The following STXBP5L variants were observed in gnomAD, a reference collection of about 807,000 sequenced individuals.
The protein encoded by STXBP5L is syntaxin binding protein 5L.
A neutral mutation model predicts 144.5 loss-of-function variants in STXBP5L; 65 were observed. The ratio of observed to expected loss-of-function variants is 0.45; its 90% CI spans 0.37 to 0.55. The LOEUF (loss-of-function observed/expected upper bound fraction) is 0.55, where lower values mean the gene tolerates loss of function less well. STXBP5L is among the 20% of genes least tolerant of loss of function. The probability of loss-of-function intolerance (pLI) is 0.00; values close to 1 mark genes in which losing one functional copy is unlikely to be tolerated. For synonymous variants in STXBP5L, 505 were observed against 469.6 expected, an observed-to-expected ratio of 1.08 and a Z score of -0.97; for missense variants, 1,298 against 1,405.5, an observed-to-expected ratio of 0.92 and a Z score of 1.22.
intron 5 of STXBP5L, among the ~76,000 whole-genome samples, chr3:121,091,024 C>T (rs1230744244): frequency 6.1e-5 from 9 of 148,038 alleles, no homozygotes; most frequent in African/African-American, 2.3e-4. Flanking sequence ...TGAGAATATG[C>T]GGTGTGTGGT....
intron 2 of STXBP5L, among the ~76,000 whole-genome samples, chr3:120,929,925 T>C (rs1408493857): frequency 1.3e-5 from 2 of 151,918 alleles, no homozygotes; most frequent in Non-Finnish European, 2.9e-5. Context: ...CCTTTCTTCC[T>C]ATTTATTGGT....
chr3:120,966,444 G>T (rs182299228), intron 3 of STXBP5L, among the ~76,000 whole-genome samples: 1 of 152,256 alleles, frequency 6.6e-6, no homozygotes, highest in Non-Finnish European at 1.5e-5. Flanking sequence ...TTTAATGCTG[G>T]TGACCTAGAG....
intron 20 of STXBP5L, among the ~76,000 whole-genome samples, chr3:121,339,257 G>A (rs775087735): frequency 5.9e-5 from 9 of 152,032 alleles, no homozygotes; most frequent in Non-Finnish European, 8.8e-5. Context: ...ATGCAGGGAT[G>A]GTTCAACATA....
intron 3 of STXBP5L, among the ~76,000 whole-genome samples, chr3:121,015,352 G>T (rs1354070909): frequency 2.0e-5 from 3 of 152,114 alleles, no homozygotes; most frequent in African/African-American, 4.8e-5. Context: ...ATGTTGATCA[G>T]TCTTAAAATT....
intron 18 of STXBP5L, 25 bp downstream of exon 18, chr3:121,259,193 T>G: frequency 6.6e-7 from 1 of 1,507,010 alleles, no homozygotes; most frequent in African/African-American, 1.4e-5. Flanking sequence ...TTTTTTATGA[T>G]ATGTATTATT....
intron 5 of STXBP5L, among the ~76,000 whole-genome samples, chr3:121,080,900 G>A (rs192002301): frequency 6.6e-6 from 1 of 152,084 alleles, no homozygotes; most frequent in African/African-American, 2.4e-5. Flanking sequence ...GTATTTGGAT[G>A]TCTAGATCCC....
rs565690436 is a variant in STXBP5L at position 121,008,522 on chromosome 3, C to T, written c.288-33178C>T. ...TGGTTCTCAAACCTATATATTACAACTAATGGGGATACAACACCAAATAAT... is the reference window on the plus strand; with the variant it reads ...TGGTTCTCAAACCTATATATTACAATTAATGGGGATACAACACCAAATAAT... On this transcript the variant is annotated intron_variant, in intron 3 of 26. Coordinates refer to ENST00000471454, the MANE Select transcript of STXBP5L (RefSeq NM_001308330.2). 1.1e-4 allele frequency among the ~76,000 whole-genome samples: 16 copies of T among 152,082 alleles called. No homozygotes were observed. The South Asian group carries it at 2.5e-3, about 24-fold the overall frequency.
At chr3:121,387,401 T>C (rs2046453138) in intron 22 of STXBP5L, among the ~76,000 whole-genome samples, 1 of 152,232 alleles carries the variant, frequency 6.6e-6, no homozygotes, top group Admixed American at 6.5e-5. Context: ...AGAAGGTCTT[T>C]AGTTTAATTA....
At position 121,413,266 on chromosome 3, in the gene STXBP5L, C is replaced by T; in HGVS notation, c.3057C>T (p.Val1019=). The T allele has an allele frequency of 6.2e-7, 1 of 1,606,402 alleles. No homozygotes were observed. The highest frequency in any genetic ancestry group is 8.5e-7 in the Non-Finnish European group (1 of 1,177,460). The change falls in exon 24 of 27, where the codon GTC becomes GTT. Residue 1019 remains valine, a synonymous_variant. Coordinates refer to ENST00000471454, the MANE Select transcript of STXBP5L (RefSeq NM_001308330.2). Reference sequence around the variant, plus strand: ...ATGAAGGACAGGCATTATACCTCGTCTCTCCTACTGAAATTCAGCGGTTAA... The same window carrying T: ...ATGAAGGACAGGCATTATACCTCGTTTCTCCTACTGAAATTCAGCGGTTAA... ...FTNEGQALYL[V]SPTEIQRLTY... is the part of the protein sequence containing the mutation.
At chr3:121,174,394 C>G (rs1378229679) in intron 9 of STXBP5L, among the ~76,000 whole-genome samples, 1 of 151,940 alleles carries the variant, frequency 6.6e-6, no homozygotes, top group Non-Finnish European at 1.5e-5. Flanking sequence ...AGCTGTTTGT[C>G]TGCCTGTTTT....
chr3:120,932,136 A>G (rs936578015), intron 2 of STXBP5L, among the ~76,000 whole-genome samples: 3 of 152,182 alleles, frequency 2.0e-5, no homozygotes, highest in Non-Finnish European at 4.4e-5. Flanking sequence ...CTCAACATAG[A>G]AAAAGTACAG....
chr3:121,305,940 A>G (rs555971766), intron 19 of STXBP5L, among the ~76,000 whole-genome samples: 1 of 152,280 alleles, frequency 6.6e-6, no homozygotes, highest in South Asian at 2.1e-4. Context: ...TGAAGAACAC[A>G]TGTCAGTAGA....
chr3:121,159,398 A>G (rs953206794), intron 9 of STXBP5L, among the ~76,000 whole-genome samples: 1 of 151,832 alleles, frequency 6.6e-6, no homozygotes, highest in Non-Finnish European at 1.5e-5. Context: ...AAGCTTCTGG[A>G]GGCCTCAAGT....
intron 9 of STXBP5L, among the ~76,000 whole-genome samples, chr3:121,179,399 A>C (rs1005672654): frequency 1.3e-5 from 2 of 152,086 alleles, no homozygotes; most frequent in African/African-American, 4.8e-5. Context: ...AAGAGGGAAA[A>C]AAAGTAATTC....
At chr3:121,306,680 G>C (rs944371278) in intron 19 of STXBP5L, among the ~76,000 whole-genome samples, 1 of 152,142 alleles carries the variant, frequency 6.6e-6, no homozygotes, top group Admixed American at 6.6e-5. Flanking sequence ...AATGAAATAA[G>C]AGGAAGTAAT....
At chr3:120,980,248 C>T (rs1034275905) in intron 3 of STXBP5L, among the ~76,000 whole-genome samples, 15 of 152,198 alleles carry the variant, frequency 9.9e-5, no homozygotes, top group Admixed American at 8.5e-4. Flanking sequence ...AGTCTAGAGA[C>T]CAATTTAAGT....
chr3:121,089,075 T>C (rs2042638514), intron 5 of STXBP5L, among the ~76,000 whole-genome samples: 1 of 53,098 alleles, frequency 1.9e-5, no homozygotes, highest in Admixed American at 3.4e-4. Context: ...ACATGTACCC[T>C]AAAACTTAGA....
chr3:121,419,171 AACTG>A lies in STXBP5L; in HGVS notation c.*75_*78del. The A allele has an allele frequency of 1.5e-6, 2 of 1,370,620 alleles. No individual in the cohort carries two copies. Among genetic ancestry groups the A allele is most frequent in the Non-Finnish European group, 2.0e-6 (2 of 989,176 alleles). The allele number at this position is 1,370,620 out of a possible 1,614,324, so 84.9% of individuals were successfully genotyped here. On this transcript the variant is annotated 3_prime_UTR_variant, in exon 27 of 27. Transcript: ENST00000471454. ...AAATTTATTCCCAGCATCACTACTC[AACTG>A]CTAGAAGCCAGTTTCTTCTACAAAA...
intron 3 of STXBP5L, among the ~76,000 whole-genome samples, chr3:121,004,723 C>G (rs768260984): frequency 1.3e-5 from 2 of 152,080 alleles, no homozygotes; most frequent in African/African-American, 4.8e-5. Flanking sequence ...GAGATACGTC[C>G]CATGAATACC....
Sources: allele counts gnomAD v4.1 joint callset (sites outside exome capture counted in the v4.1 genomes callset), GRCh38; gene constraint gnomAD v4.1.1; transcripts MANE v1.5; gene names NCBI Gene and HGNC (gene_info 2026-07-23, HGNC 2026-07-21).